Variants in CARS2 observed in about 807,000 individuals in gnomAD.
CARS2 encodes probable cysteine--tRNA ligase, mitochondrial.
Under a neutral mutation model 68.8 loss-of-function variants are expected in CARS2, and 52 were observed. The observed-to-expected ratio is 0.76, with a 90% CI of 0.61 to 0.95. The LOEUF (loss-of-function observed/expected upper bound fraction) is 0.95. CARS2 is among the 40% of genes least tolerant of loss of function. CARS2 has a pLI of 0.00. For missense variants in CARS2, 780 were observed against 754.2 expected (o/e 1.03, Z -0.40); for synonymous variants, 314 against 303.6 (o/e 1.03, Z -0.36).
In CARS2 at chr13:110,696,088, G is replaced by A. The variant is rs537619011; in HGVS notation, c.393+5350C>T. ...AATGATGGTTTCCAGCTTCACCCGT[G>A]TCCCTGCAGAAGACATGAACCCATC... On this transcript the variant is annotated intron_variant, in intron 3 of 14. Transcript: ENST00000257347. Among the ~76,000 whole-genome samples the A allele has an allele frequency of 3.9e-5, 6 of 152,242 alleles. No homozygotes were observed. In the South Asian group the frequency reaches 1.2e-3, roughly 32 times the overall value.
At chr13:110,695,900 T>C (rs908927363) in intron 3 of CARS2, among the ~76,000 whole-genome samples, 1 of 151,934 alleles carries the variant, frequency 6.6e-6, no homozygotes, top group Non-Finnish European at 1.5e-5. Context: ...CTACATTAGG[T>C]ATTTCTCCTA....
intron 9 of CARS2, among the ~76,000 whole-genome samples, chr13:110,658,552 A>G (rs1239249428): frequency 6.6e-6 from 1 of 152,240 alleles, no homozygotes; most frequent in Admixed American, 6.5e-5. Context: ...AAAAAGACAC[A>G]ACATACAAAT....
upstream of CARS2, chr13:110,706,516 G>C (rs75609837): frequency 5.8e-5 from 9 of 155,208 alleles, no homozygotes; most frequent in East Asian, 1.7e-3. Context: ...AGCGAAGCAC[G>C]TGTGCATCCC....
chr13:110,686,632 C>G (rs2063312066), intron 5 of CARS2, among the ~76,000 whole-genome samples: 1 of 151,742 alleles, frequency 6.6e-6, no homozygotes, highest in Non-Finnish European at 1.5e-5. Flanking sequence ...TCTCGGCTCA[C>G]TGCAAACTAT....
chr13:110,706,291 G>A (rs888065511), upstream of CARS2: 3 of 344,394 alleles, frequency 8.7e-6, no homozygotes, highest in Non-Finnish European at 1.5e-5. Context: ...ACCAGGGCCC[G>A]AAGAGGTTGG....
chr13:110,705,688 G>A lies in CARS2; in HGVS notation c.225-117C>T. On this transcript the variant is annotated intron_variant, in intron 1 of 14. Coordinates refer to ENST00000257347, the MANE Select transcript of CARS2 (RefSeq NM_024537.4). This position sits in a 1 kb window ranked among gnomAD's most constrained non-coding sequence, Gnocchi z 4.0. ...AATCACTTCTGGGGGATGAATAGCC[G>A]GGGTTTTCATACTTGCTCAATTCAC... 1 of 1,475,442 alleles carries A rather than the reference G, an allele frequency of 6.8e-7. No individual in the cohort carries two copies. Among genetic ancestry groups the A allele is most frequent in the East Asian group, 2.4e-5 (1 of 40,842 alleles). The allele number at this position is 1,475,442 out of a possible 1,614,324, so 91.4% of individuals were successfully genotyped here. A position where few individuals can be genotyped will look rare whatever the true frequency, so the allele number is the denominator to read the frequency against.
At position 110,679,602 on chromosome 13, in the gene CARS2, AG is replaced by A. The variant is rs1566712633; in HGVS notation, c.656-2500del. ...AAGAAAGAAAGAAAGAAAGAAAGAGAGAGAGAGAGAGAGAGAGAGAGAGGGA... is the reference window on the plus strand; with the variant it reads ...AAGAAAGAAAGAAAGAAAGAAAGAGAAGAGAGAGAGAGAGAGAGAGAGGGA... On this transcript the variant is annotated intron_variant, in intron 6 of 14. Transcript: ENST00000257347. Among the ~76,000 whole-genome samples the A allele has an allele frequency of 3.9e-3, 396 of 100,352 alleles. 6 individuals are homozygous for A. The highest frequency in any genetic ancestry group is 0.013 in the African/African-American group (361 of 27,412). 65.8% of individuals were successfully genotyped at this position (100,352 alleles called of 152,430 possible).
chr13:110,706,809 G>GCACA (rs2063970764), upstream of CARS2, among the ~76,000 whole-genome samples: 1 of 144,050 alleles, frequency 6.9e-6, no homozygotes, highest in African/African-American at 2.6e-5. Context: ...CCCCAATACA[G>GCACA]TGTGCACCCC....
chr13:110,650,430 A>G (rs935987885), intron 10 of CARS2: 1 of 152,128 alleles, frequency 6.6e-6, no homozygotes, highest in African/African-American at 2.4e-5. Context: ...AGATCTCACT[A>G]TGTTGCCCAG....
At chr13:110,669,624 C>G (rs7336158) in intron 7 of CARS2, among the ~76,000 whole-genome samples, 1 of 152,018 alleles carries the variant, frequency 6.6e-6, no homozygotes, top group South Asian at 2.1e-4. Context: ...GGAACAGCTC[C>G]AGTCTACAGC....
chr13:110,709,343 CT>C (rs1483719875), upstream of CARS2, among the ~76,000 whole-genome samples: 1 of 151,896 alleles, frequency 6.6e-6, no homozygotes, highest in Non-Finnish European at 1.5e-5. Context: ...ATCCGCCCAC[CT>C]CGGTCTCTGA....
intron 8 of CARS2, chr13:110,667,030 GT>G: frequency 1.2e-6 from 1 of 834,808 alleles, no homozygotes; most frequent in African/African-American, 1.8e-5. Flanking sequence ...CAGAAAGGAT[GT>G]TCATAATTAT....
At chr13:110,651,895 G>A (rs957754587) in intron 9 of CARS2, among the ~76,000 whole-genome samples, 2 of 152,246 alleles carry the variant, frequency 1.3e-5, no homozygotes, top group Non-Finnish European at 2.9e-5. Context: ...GGGGAGAGAA[G>A]GAAGAGGGCT....
At chr13:110,680,721 C>T (rs959727215) in intron 6 of CARS2, among the ~76,000 whole-genome samples, 6 of 152,224 alleles carry the variant, frequency 3.9e-5, no homozygotes, top group African/African-American at 9.6e-5. Flanking sequence ...AGACACATGA[C>T]GTTTCTCCCT....
At chr13:110,688,302 A>G (rs1280015259) in intron 3 of CARS2, among the ~76,000 whole-genome samples, 2 of 152,160 alleles carry the variant, frequency 1.3e-5, no homozygotes, top group South Asian at 4.1e-4. Flanking sequence ...AAAACAAACC[A>G]GCTGGGTGCA....
At chr13:110,659,972 T>G (rs2062461240) in intron 9 of CARS2, among the ~76,000 whole-genome samples, 1 of 152,372 alleles carries the variant, frequency 6.6e-6, no homozygotes, top group East Asian at 1.9e-4. Flanking sequence ...CACGGCAGAA[T>G]GTCTTTCAAA....
At chr13:110,699,281 C>T (rs2063715599) in intron 3 of CARS2, among the ~76,000 whole-genome samples, 1 of 152,224 alleles carries the variant, frequency 6.6e-6, no homozygotes, top group African/African-American at 2.4e-5. Flanking sequence ...CTTGGAGGGT[C>T]AAACTGCCAA....
rs1229901250 is a variant in CARS2 at position 110,642,012 on chromosome 13, A to G, written c.1623+303T>C. On this transcript the variant is annotated intron_variant, in intron 14 of 14. Coordinates refer to ENST00000257347, the MANE Select transcript of CARS2 (RefSeq NM_024537.4). ...AGGTCGGGAGTTTGAGACCAGCCTG[A>G]CCCACGTGGAGAAAACCTGTCTCTA... Among the ~76,000 whole-genome samples the G allele has an allele frequency of 2.1e-3, 314 of 151,742 alleles. 3 individuals are homozygous for G. The highest frequency in any genetic ancestry group is 7.2e-3 in the African/African-American group (297 of 41,248).
At chr13:110,656,816 G>A (rs779343846) in intron 9 of CARS2, among the ~76,000 whole-genome samples, 2 of 151,882 alleles carry the variant, frequency 1.3e-5, no homozygotes, top group Admixed American at 6.6e-5. Flanking sequence ...CCCGGAAGGC[G>A]GAGCTTGCAG....
Sources: gnomAD v4.1 joint callset for allele counts (sites outside exome capture counted in the v4.1 genomes callset) on GRCh38, gnomAD v4.1.1 for gene constraint, Gnocchi (gnomAD v3.1) non-coding constraint, MANE v1.5 for transcripts, NCBI Gene and HGNC (gene_info 2026-07-23, HGNC 2026-07-21) for gene names.